PTGER3: variants seen among roughly 807,000 people sequenced by gnomAD.
The protein encoded by PTGER3 is prostaglandin E2 receptor EP3 subtype.
PTGER3 carries 22 observed loss-of-function variants against 34.7 expected under a neutral mutation model. The ratio of observed to expected loss-of-function variants is 0.63; its 90% confidence interval spans 0.45 to 0.91. The LOEUF (loss-of-function observed/expected upper bound fraction) is 0.91. Among genes scored for constraint, PTGER3 ranks in the 40% least tolerant of loss-of-function variants. The probability of loss-of-function intolerance (pLI) is 0.00; values close to 1 mark genes in which losing one functional copy is unlikely to be tolerated. For missense variants in PTGER3, 468 were observed against 519.4 expected (o/e 0.90, Z 0.96); for synonymous variants, 241 against 230.1 (o/e 1.05, Z -0.43).
chr1:70,866,894 A>C (rs1353018435), intron 4 of PTGER3, among the ~76,000 whole-genome samples: 1 of 152,162 alleles, frequency 6.6e-6, no homozygotes, highest in African/African-American at 2.4e-5. Flanking sequence ...CGAATGCCTT[A>C]CTGGATTTTA....
At chr1:70,951,978 CAG>C (rs71742176), downstream of PTGER3, among the ~76,000 whole-genome samples, 401 of 152,140 alleles carry the variant, frequency 2.6e-3, 10 homozygotes, top group East Asian at 0.067. Context: ...AAGGAAGAAA[CAG>C]AGCTGTAGCA....
At chr1:70,961,795 T>C (rs556028893) in intron 2 of PTGER3, among the ~76,000 whole-genome samples, 3 of 152,326 alleles carry the variant, frequency 2.0e-5, no homozygotes, top group East Asian at 3.9e-4. Context: ...CTAATGATAA[T>C]TGAAGTTAAC....
intron 2 of PTGER3, among the ~76,000 whole-genome samples, chr1:70,956,851 C>G (rs1340682019): frequency 2.0e-5 from 3 of 152,064 alleles, no homozygotes; most frequent in Admixed American, 2.0e-4. Flanking sequence ...AAAAATTAGC[C>G]AGGTGAGGTG....
chr1:70,876,063 A>G (rs1429016783), intron 4 of PTGER3, among the ~76,000 whole-genome samples: 1 of 152,198 alleles, frequency 6.6e-6, no homozygotes, highest in African/African-American at 2.4e-5. Flanking sequence ...CCAGCAGTGT[A>G]TAAACGTTTC....
At chr1:70,977,441 G>A (rs1241082193) in intron 2 of PTGER3, among the ~76,000 whole-genome samples, 1 of 151,924 alleles carries the variant, frequency 6.6e-6, no homozygotes, top group African/African-American at 2.4e-5. Context: ...TTTCCATCAT[G>A]TCATTAATAG....
intron 2 of PTGER3, among the ~76,000 whole-genome samples, chr1:70,986,747 T>C (rs983536610): frequency 9.8e-5 from 15 of 152,312 alleles, no homozygotes; most frequent in African/African-American, 3.4e-4. Context: ...GCTTTCTCCT[T>C]CACACAGATG....
intron 4 of PTGER3, among the ~76,000 whole-genome samples, chr1:70,916,175 C>T (rs1647171950): frequency 6.6e-6 from 1 of 151,840 alleles, no homozygotes; most frequent in Non-Finnish European, 1.5e-5. Flanking sequence ...AAATCAAAAC[C>T]ACAATGAGAT....
intron 2 of PTGER3, among the ~76,000 whole-genome samples, chr1:70,978,645 A>G (rs777836340): frequency 2.0e-5 from 3 of 152,136 alleles, no homozygotes; most frequent in Non-Finnish European, 4.4e-5. Flanking sequence ...AAATAACAAG[A>G]AATAGTAGAA....
intron 4 of PTGER3, among the ~76,000 whole-genome samples, chr1:70,856,830 A>C (rs1360676559): frequency 6.6e-6 from 1 of 152,224 alleles, no homozygotes; most frequent in Non-Finnish European, 1.5e-5. Flanking sequence ...ACATTGGTAC[A>C]ATGTGGTGTA....
intron 1 of PTGER3, among the ~76,000 whole-genome samples, chr1:71,013,694 C>G (rs561459071): frequency 6.8e-6 from 1 of 147,876 alleles, no homozygotes; most frequent in African/African-American, 2.5e-5. Context: ...AAGAGCAAAA[C>G]TCTGTCTCAA....
At position 71,038,692 on chromosome 1, in the gene PTGER3, T is replaced by G. The variant is rs143218191; in HGVS notation, c.897+7989A>C. 8.2e-3 allele frequency among the ~76,000 whole-genome samples: 1,253 copies of G among 152,338 alleles called. 22 individuals are homozygous for G. The highest frequency in any genetic ancestry group is 0.028 in the African/African-American group (1,178 of 41,578). On this transcript the variant is annotated intron_variant, in intron 1 of 3. Coordinates refer to ENST00000306666, the MANE Select transcript of PTGER3 (RefSeq NM_198719.2). ...CACTGGATAGAAAAATAACACATTG[T>G]GCTATTTGCAGGCCACAAATAATAT...
intron 4 of PTGER3, among the ~76,000 whole-genome samples, chr1:70,918,813 G>C (rs572508681): frequency 6.6e-5 from 10 of 152,074 alleles, no homozygotes; most frequent in Admixed American, 3.9e-4. Flanking sequence ...AGTTCTTGAA[G>C]CAAATGATGA....
intron 1 of PTGER3, among the ~76,000 whole-genome samples, chr1:71,018,149 C>A (rs966489016): frequency 6.6e-6 from 1 of 152,052 alleles, no homozygotes; most frequent in Non-Finnish European, 1.5e-5. Context: ...CAGTAGAAAA[C>A]AAATATGCCC....
At position 70,930,219 on chromosome 1, in the gene PTGER3, T is replaced by A. The variant is rs1244788042; in HGVS notation, c.*23+23544A>T. On this transcript the variant is annotated intron_variant, in intron 4 of 4. Coordinates refer to the PTGER3 transcript ENST00000370931. ...ACTGGGAACAAGAGGTGACTGAAGT[T>A]GGGGCATGGGTAAAGCAGACTCCGT... 2.6e-5 allele frequency among the ~76,000 whole-genome samples: 4 copies of A among 152,312 alleles called. No individual in the cohort carries two copies. The East Asian group carries it at 7.7e-4, about 29-fold the overall frequency.
At chr1:70,952,845 A>T in exon 4 of PTGER3, 1 of 1,484,998 alleles carries the variant, frequency 6.7e-7, no homozygotes. Flanking sequence ...TTAGAGTCAC[A>T]AACTCAGCTG....
chr1:70,864,611 TG>T (rs1646000671), intron 4 of PTGER3, among the ~76,000 whole-genome samples: 1 of 152,196 alleles, frequency 6.6e-6, no homozygotes, highest in African/African-American at 2.4e-5. Flanking sequence ...TGCTGGGCCC[TG>T]GGAACATGGA....
chr1:71,015,520 T>C (rs1317969985), intron 1 of PTGER3, among the ~76,000 whole-genome samples: 2 of 152,204 alleles, frequency 1.3e-5, no homozygotes, highest in African/African-American at 4.8e-5. Flanking sequence ...AGATAAAAGA[T>C]GTAATTGTCT....
At chr1:71,020,310 A>C (rs1658291312) in intron 1 of PTGER3, among the ~76,000 whole-genome samples, 1 of 152,226 alleles carries the variant, frequency 6.6e-6, no homozygotes, top group South Asian at 2.1e-4. Context: ...ACTACTACGT[A>C]ATTTTATAAG....
At chr1:70,948,275 G>A (rs1366770292), downstream of PTGER3, among the ~76,000 whole-genome samples, 1 of 152,024 alleles carries the variant, frequency 6.6e-6, no homozygotes, top group Non-Finnish European at 1.5e-5. Flanking sequence ...CCTCCATGCT[G>A]GTCTTGTGAT....
Sources: gnomAD v4.1 joint callset for allele counts (sites outside exome capture counted in the v4.1 genomes callset) on GRCh38, gnomAD v4.1.1 for gene constraint, MANE v1.5 for transcripts, NCBI Gene and HGNC (gene_info 2026-07-23, HGNC 2026-07-21) for gene names.